Variants in GRID1 observed in about 807,000 individuals in gnomAD.
GRID1 encodes the protein glutamate ionotropic receptor delta type subunit 1.
Under a neutral mutation model 98.0 loss-of-function variants are expected in GRID1, and 28 were observed. That is an observed-to-expected ratio of 0.29 (90% CI 0.21 to 0.39). The LOEUF (loss-of-function observed/expected upper bound fraction) is 0.39. Among genes scored for constraint, GRID1 ranks in the 10% least tolerant of loss-of-function variants. The pLI is 1.00. For missense variants in GRID1, 1,111 were observed against 1,340.5 expected, an observed-to-expected ratio of 0.83 and a Z score of 2.67; for synonymous variants, 553 against 538.5, an observed-to-expected ratio of 1.03 and a Z score of -0.37.
chr10:86,179,220 C>T (rs1845619924), intron 3 of GRID1, among the ~76,000 whole-genome samples: 1 of 152,158 alleles, frequency 6.6e-6, no homozygotes, highest in Non-Finnish European at 1.5e-5. Context: ...CCTCTTCCTG[C>T]CACCAGCTCA....
At chr10:86,294,651 C>A (rs1449999217) in intron 2 of GRID1, among the ~76,000 whole-genome samples, 1 of 152,108 alleles carries the variant, frequency 6.6e-6, no homozygotes, top group Non-Finnish European at 1.5e-5. Context: ...AGCTTGGGGA[C>A]ATGCTTGTGT....
Position 85,916,301 on chromosome 10 carries a change from G to A in GRID1, c.727-62C>T. On this transcript the variant is annotated intron_variant, in intron 4 of 15. Coordinates refer to ENST00000327946, the MANE Select transcript of GRID1 (RefSeq NM_017551.3). This position sits in a 1 kb window ranked among gnomAD's most constrained non-coding sequence, Gnocchi z 4.0. ...AGACAGAAGCTGGCAGACACAGGAT[G>A]ATTGCCGAGACAGAGTTTTATAAAC... 8.5e-7 allele frequency: 1 copy of A among 1,170,154 alleles called. No homozygotes were observed. The highest frequency in any genetic ancestry group is 1.3e-6 in the Non-Finnish European group (1 of 777,020). 72.5% of individuals were successfully genotyped at this position (1,170,154 alleles called of 1,614,324 possible).
chr10:85,608,828 G>C (rs1483763093), intron 15 of GRID1, among the ~76,000 whole-genome samples: 1 of 152,204 alleles, frequency 6.6e-6, no homozygotes, highest in East Asian at 1.9e-4. Flanking sequence ...ATGTTCCATG[G>C]CTTCTCACTG....
chr10:86,160,378 C>T (rs182480992), intron 3 of GRID1, among the ~76,000 whole-genome samples: 1 of 152,238 alleles, frequency 6.6e-6, no homozygotes, highest in Admixed American at 6.5e-5. Flanking sequence ...ATGCCTCCTG[C>T]AGACCAACTA....
rs774064488 is a variant in GRID1, at chr10:85,786,318, G to A, written c.1234-56704C>T. ...GCACTTGGCATCTGAGAAACTGGGC[G>A]CTGAGGGCATGATCCCTGTTCCCAA... On this transcript the variant is annotated intron_variant, in intron 8 of 15. Coordinates refer to ENST00000327946, the MANE Select transcript of GRID1 (RefSeq NM_017551.3). Among the ~76,000 whole-genome samples the A allele has an allele frequency of 1.2e-4, 19 of 152,302 alleles. No homozygotes were observed. The East Asian group carries it at 1.4e-3, about 11-fold the overall frequency.
intron 2 of GRID1, among the ~76,000 whole-genome samples, chr10:86,338,381 C>T (rs529549260): frequency 1.3e-5 from 2 of 152,208 alleles, no homozygotes; most frequent in African/African-American, 4.8e-5. Context: ...GGAGCCTGTA[C>T]AAAATGAAGT....
At chr10:86,085,135 A>G (rs1203362737) in intron 4 of GRID1, among the ~76,000 whole-genome samples, 2 of 152,234 alleles carry the variant, frequency 1.3e-5, no homozygotes, top group African/African-American at 4.8e-5. Context: ...CCTCTCTCTC[A>G]CTGCTTCGAT....
intron 8 of GRID1, among the ~76,000 whole-genome samples, chr10:85,827,939 A>G (rs1842834212): frequency 6.6e-6 from 1 of 152,176 alleles, no homozygotes; most frequent in Non-Finnish European, 1.5e-5. Context: ...AATGGACCTA[A>G]CAGATATCTA....
At chr10:85,690,268 T>C (rs1841317611) in intron 12 of GRID1, among the ~76,000 whole-genome samples, 1 of 152,176 alleles carries the variant, frequency 6.6e-6, no homozygotes, top group Admixed American at 6.5e-5. Context: ...AATATATACA[T>C]CCTTAAAATT....
At chr10:86,004,513 C>T (rs1842836542) in intron 4 of GRID1, among the ~76,000 whole-genome samples, 1 of 152,114 alleles carries the variant, frequency 6.6e-6, no homozygotes. Context: ...TGTGAGTGGG[C>T]CTCATCCAAT....
chr10:85,940,628 C>T (rs1160522960), intron 4 of GRID1, among the ~76,000 whole-genome samples: 1 of 152,222 alleles, frequency 6.6e-6, no homozygotes, highest in South Asian at 2.1e-4. Context: ...AACCAAAACC[C>T]AGTTACTGCT....
intron 2 of GRID1, among the ~76,000 whole-genome samples, chr10:86,321,477 AAAG>A (rs1847970062): frequency 1.3e-5 from 2 of 152,234 alleles, no homozygotes; most frequent in South Asian, 2.1e-4. Flanking sequence ...ATTTTTTAAA[AAAG>A]AAGAAGAATG....
At position 85,645,416 on chromosome 10, in the gene GRID1, A is replaced by G. The variant is rs566452983; in HGVS notation, c.2193+1786T>C. The G allele has an allele frequency of 2.6e-5, 4 of 152,378 alleles. No individual in the cohort carries two copies. In the South Asian group the frequency reaches 8.3e-4, roughly 32 times the overall value. 9.4% of individuals were successfully genotyped at this position (152,378 alleles called of 1,614,324 possible). A position where few individuals can be genotyped will look rare whatever the true frequency, so the allele number is the denominator to read the frequency against. ...TCCTGCAGCTTAAGGCTAGAGCATC[A>G]TCCTTTGCAGTGCAGTGAGAACTAC... is the stretch of plus-strand genomic sequence containing the variant. On this transcript the variant is annotated intron_variant, in intron 13 of 15. Coordinates refer to ENST00000327946, the MANE Select transcript of GRID1 (RefSeq NM_017551.3).
intron 4 of GRID1, among the ~76,000 whole-genome samples, chr10:86,080,793 T>C (rs1408875382): frequency 6.6e-6 from 1 of 152,124 alleles, no homozygotes; most frequent in East Asian, 1.9e-4. Context: ...CGACTGGAGC[T>C]TCCTCTAGTA....
chr10:86,229,969 G>A (rs1277851035), intron 2 of GRID1, among the ~76,000 whole-genome samples: 2 of 152,322 alleles, frequency 1.3e-5, no homozygotes, highest in Non-Finnish European at 2.9e-5. Context: ...CCAGAGCCTG[G>A]CCCAGAGCAG....
chr10:86,157,601 G>A (rs764778130), intron 3 of GRID1, among the ~76,000 whole-genome samples: 1 of 152,158 alleles, frequency 6.6e-6, no homozygotes, highest in Non-Finnish European at 1.5e-5. Flanking sequence ...TCTCCTCCAG[G>A]TGCTCACCAG....
At position 85,705,123 on chromosome 10, in the gene GRID1, G is replaced by A. The variant is rs187114220; in HGVS notation, c.1997+17880C>T. Among the ~76,000 whole-genome samples, 777 of 152,230 alleles carry A rather than the reference G, an allele frequency of 5.1e-3. 12 individuals are homozygous for A. The highest frequency in any genetic ancestry group is 0.018 in the African/African-American group (742 of 41,526). ...AAGGCAAGAAATAACTAAGATCAGA[G>A]CAGAACTGAAGGAAATAGAGACACA... On this transcript the variant is annotated intron_variant, in intron 12 of 15. Coordinates refer to ENST00000327946, the MANE Select transcript of GRID1 (RefSeq NM_017551.3).
intron 3 of GRID1, among the ~76,000 whole-genome samples, chr10:86,183,399 GC>G (rs1845685253): frequency 6.6e-6 from 1 of 151,662 alleles, no homozygotes; most frequent in African/African-American, 2.4e-5. Flanking sequence ...CACTCTTGTT[GC>G]CCAGGCCGAA....
intron 4 of GRID1, among the ~76,000 whole-genome samples, chr10:85,934,202 G>C (rs1045368322): frequency 6.6e-6 from 1 of 152,166 alleles, no homozygotes; most frequent in African/African-American, 2.4e-5. Context: ...AGTAGGAATG[G>C]CTTCATGGAG....
Sources: gnomAD v4.1 joint callset for allele counts (sites outside exome capture counted in the v4.1 genomes callset) on GRCh38, gnomAD v4.1.1 for gene constraint, Gnocchi (gnomAD v3.1) non-coding constraint, MANE v1.5 for transcripts, NCBI Gene and HGNC (gene_info 2026-07-23, HGNC 2026-07-21) for gene names.